The following PPP1R12B variants were observed in gnomAD, a reference collection of about 807,000 sequenced individuals.
PPP1R12B encodes the protein myosin phosphatase target subunit 2.
PPP1R12B carries 76 observed loss-of-function variants against 126.1 expected under a neutral mutation model. The observed-to-expected ratio is 0.60, with a 90% CI of 0.50 to 0.73. The LOEUF is 0.73. Among genes scored for constraint, PPP1R12B ranks in the 30% least tolerant of loss-of-function variants. The pLI, the probability that PPP1R12B is intolerant of heterozygous loss-of-function variation, is 0.00. For synonymous variants in PPP1R12B, 356 were observed against 434.7 expected, an observed-to-expected ratio of 0.82 and a Z score of 2.25; for missense variants, 1,052 against 1,205.1, an observed-to-expected ratio of 0.87 and a Z score of 1.88.
intron 18 of PPP1R12B, among the ~76,000 whole-genome samples, chr1:202,526,086 GA>G (rs912311922): frequency 9.2e-5 from 14 of 152,248 alleles, no homozygotes; most frequent in African/African-American, 3.4e-4. Flanking sequence ...GTGGGAGGAA[GA>G]ATGGAGAACT....
chr1:202,355,622 T>C (rs1321744548), intron 1 of PPP1R12B, among the ~76,000 whole-genome samples: 1 of 152,162 alleles, frequency 6.6e-6, no homozygotes. Context: ...CTTGATGGAC[T>C]CCTTAGTAGA....
rs1299237900 is a variant in PPP1R12B at position 202,586,259 on chromosome 1, T to C, written c.*5699T>C. On this transcript the variant is annotated 3_prime_UTR_variant, in exon 24 of 24. Transcript: ENST00000608999. ...AAGCCTCCTACAGGACCTGGTGTAA[T>C]TGGAGTGAAAGGGCAGAGACCCTGG... 4 of 152,326 alleles carry C rather than the reference T, an allele frequency of 2.6e-5. No homozygotes were observed. The highest frequency in any genetic ancestry group is 4.4e-5 in the Non-Finnish European group (3 of 68,166). 9.4% of individuals were successfully genotyped at this position (152,326 alleles called of 1,614,324 possible).
intron 3 of PPP1R12B, 102 bp from the exon 4 acceptor site, chr1:202,425,464 T>C (rs1669378767): frequency 7.9e-7 from 1 of 1,262,802 alleles, no homozygotes; most frequent in Admixed American, 2.2e-5. Context: ...TAAATTGTTA[T>C]TTGTATTTAT....
intron 18 of PPP1R12B, among the ~76,000 whole-genome samples, chr1:202,537,473 A>G (rs1684667662): frequency 6.6e-6 from 1 of 152,250 alleles, no homozygotes; most frequent in African/African-American, 2.4e-5. Flanking sequence ...TATGCAGGGC[A>G]TGACTGTACA....
At chr1:202,408,563 T>C (rs1666946024) in intron 1 of PPP1R12B, among the ~76,000 whole-genome samples, 2 of 152,218 alleles carry the variant, frequency 1.3e-5, no homozygotes, top group African/African-American at 4.8e-5. Flanking sequence ...CTGTGGCTTC[T>C]GTAACAAATT....
intron 21 of PPP1R12B, among the ~76,000 whole-genome samples, chr1:202,564,829 C>T (rs1306865688): frequency 6.6e-6 from 1 of 152,190 alleles, no homozygotes; most frequent in African/African-American, 2.4e-5. Flanking sequence ...AAAGCATAAA[C>T]CAGCACTACA....
intron 18 of PPP1R12B, chr1:202,539,895 C>G: frequency 4.4e-6 from 2 of 458,344 alleles, no homozygotes; most frequent in South Asian, 5.5e-5. Context: ...GCTACCAGTC[C>G]TGAGAACCTG....
chr1:202,583,531 A>G lies in PPP1R12B; in HGVS notation c.*2971A>G, dbSNP rs541409271. ...AATTTCAGGTACTTTCTCTTATGCA[A>G]TTAATTTTATTAACTGATTTCTGGT... is the stretch of plus-strand genomic sequence containing the variant. On this transcript the variant is annotated 3_prime_UTR_variant, in exon 24 of 24. Transcript: ENST00000608999. 1 of 152,208 alleles carries G rather than the reference A, an allele frequency of 6.6e-6. No individual in the cohort carries two copies. Among genetic ancestry groups the G allele is most frequent in the South Asian group, 2.1e-4 (1 of 4,826 alleles). The allele number at this position is 152,208 out of a possible 1,614,324, so 9.4% of individuals were successfully genotyped here.
chr1:202,496,846 T>C (rs770923892), intron 18 of PPP1R12B, 24 bp downstream of exon 18: 6 of 1,601,556 alleles, frequency 3.7e-6, no homozygotes, highest in Non-Finnish European at 5.1e-6. Context: ...CAGTGAAGCA[T>C]GTCTCTTGAG....
At chr1:202,438,324 T>C (rs1671099079) in intron 10 of PPP1R12B, 4 of 1,353,972 alleles carry the variant, frequency 3.0e-6, no homozygotes, top group Middle Eastern at 2.5e-4. Context: ...AATTTCAGTA[T>C]GGCGGAGGGG....
At chr1:202,398,752 G>T (rs1665370121) in intron 1 of PPP1R12B, among the ~76,000 whole-genome samples, 1 of 152,244 alleles carries the variant, frequency 6.6e-6, no homozygotes, top group East Asian at 1.9e-4. Context: ...GTCTTATGTT[G>T]CCCAAGTAAC....
chr1:202,525,520 G>A (rs1281609593), intron 18 of PPP1R12B, among the ~76,000 whole-genome samples: 2 of 151,562 alleles, frequency 1.3e-5, no homozygotes, highest in Admixed American at 6.6e-5. Context: ...GGTTTTGTTC[G>A]AATAGTGGGA....
intron 13 of PPP1R12B, among the ~76,000 whole-genome samples, chr1:202,472,963 A>G (rs1238675519): frequency 1.3e-5 from 2 of 152,176 alleles, no homozygotes; most frequent in Non-Finnish European, 2.9e-5. Context: ...CGAAACCTGA[A>G]AGATTTACTG....
intron 1 of PPP1R12B, among the ~76,000 whole-genome samples, chr1:202,363,485 T>G (rs544117353): frequency 3.3e-5 from 5 of 152,308 alleles, no homozygotes; most frequent in African/African-American, 4.8e-5. Flanking sequence ...TGTGCATTCT[T>G]TAATTTAGTT....
intron 18 of PPP1R12B, among the ~76,000 whole-genome samples, chr1:202,530,210 A>C (rs943118331): frequency 6.6e-6 from 1 of 152,106 alleles, no homozygotes. Context: ...CTGTTTCTAG[A>C]ATAGCAAGCA....
At chr1:202,474,018 G>A (rs1350928859) in intron 13 of PPP1R12B, 1 of 513,614 alleles carries the variant, frequency 1.9e-6, no homozygotes, top group African/African-American at 1.9e-5. Flanking sequence ...GTGGTACAGG[G>A]AAAGGTGTAC....
chr1:202,473,553 G>A (rs1326090875), intron 13 of PPP1R12B, among the ~76,000 whole-genome samples: 1 of 152,184 alleles, frequency 6.6e-6, no homozygotes, highest in Non-Finnish European at 1.5e-5. Context: ...ATCTCTCTTT[G>A]CTCTGTCTTC....
intron 16 of PPP1R12B, 35 bp downstream of exon 16, chr1:202,495,517 C>T (rs1679440743): frequency 6.2e-7 from 1 of 1,608,904 alleles, no homozygotes; most frequent in African/African-American, 1.3e-5. Flanking sequence ...GGCCCCTCCA[C>T]AGTGCACATC....
At chr1:202,420,249 T>G (rs1047137460) in intron 2 of PPP1R12B, among the ~76,000 whole-genome samples, 5 of 152,156 alleles carry the variant, frequency 3.3e-5, no homozygotes, top group African/African-American at 9.7e-5. Flanking sequence ...CGAGGTACAG[T>G]GTAAGTCATG....
Sources: gnomAD v4.1 joint callset for allele counts (sites outside exome capture counted in the v4.1 genomes callset) on GRCh38, gnomAD v4.1.1 for gene constraint, MANE v1.5 for transcripts, NCBI Gene and HGNC (gene_info 2026-07-23, HGNC 2026-07-21) for gene names.